The following SEMA6D variants were observed in gnomAD, a reference collection of about 807,000 sequenced individuals.
The protein encoded by SEMA6D is semaphorin-6D.
In SEMA6D, 35 loss-of-function variants were observed where a neutral mutation model predicts 106.6. The observed-to-expected ratio is 0.33, with a 90% confidence interval of 0.25 to 0.44. SEMA6D has a LOEUF of 0.44. Ranked by LOEUF, SEMA6D falls within the 20% of genes least tolerant of loss-of-function variation. The probability of loss-of-function intolerance (pLI) is 1.00; values close to 1 mark genes in which losing one functional copy is unlikely to be tolerated. For missense variants in SEMA6D, 1,185 were observed against 1,345.9 expected (o/e 0.88, Z 1.87); for synonymous variants, 499 against 487.7 (o/e 1.02, Z -0.31).
chr15:47,720,091 G>C (rs1259415402), intron 1 of SEMA6D, among the ~76,000 whole-genome samples: 2 of 152,166 alleles, frequency 1.3e-5, no homozygotes, highest in East Asian at 3.9e-4. Flanking sequence ...CTTCCAGAAA[G>C]ACAGTTAAAT....
chr15:47,487,708 T>C (rs2043338336), intron 3 of SEMA6D, among the ~76,000 whole-genome samples: 3 of 152,240 alleles, frequency 2.0e-5, no homozygotes, highest in African/African-American at 7.2e-5. Context: ...TATTTATAGA[T>C]ATTTAGCTTG....
intron 1 of SEMA6D, among the ~76,000 whole-genome samples, chr15:47,240,038 A>G (rs1256787696): frequency 6.6e-6 from 1 of 152,156 alleles, no homozygotes; most frequent in Non-Finnish European, 1.5e-5. Flanking sequence ...CATGATTATT[A>G]TCTATTTGGA....
chr15:47,320,712 C>T (rs1220396025), intron 1 of SEMA6D, among the ~76,000 whole-genome samples: 2 of 152,186 alleles, frequency 1.3e-5, no homozygotes, highest in Non-Finnish European at 2.9e-5. Flanking sequence ...AAAATAATTT[C>T]ACTTTATCCA....
intron 18 of SEMA6D, 50 bp from the exon 19 acceptor site, chr15:47,770,447 A>G: frequency 3.4e-6 from 5 of 1,452,030 alleles, no homozygotes; most frequent in Non-Finnish European, 4.7e-6. Flanking sequence ...GCTATTTATT[A>G]TTATTTTTAA....
intron 1 of SEMA6D, chr15:47,393,222 A>G (rs2040099611): frequency 6.6e-6 from 1 of 152,210 alleles, no homozygotes; most frequent in Non-Finnish European, 1.5e-5. Context: ...CAAAAAAATA[A>G]ATTGAAATAT....
intron 1 of SEMA6D, among the ~76,000 whole-genome samples, chr15:47,355,626 T>A (rs1004532227): frequency 6.6e-6 from 1 of 152,192 alleles, no homozygotes; most frequent in Non-Finnish European, 1.5e-5. Flanking sequence ...AACCTTCCTA[T>A]CCATGTGCTT....
Position 47,314,918 on chromosome 15 carries a change from T to G in SEMA6D, c.-238-97475T>G, listed in dbSNP as rs2036598573. Among the ~76,000 whole-genome samples, 4 of 127,514 alleles carry G rather than the reference T, an allele frequency of 3.1e-5. No homozygotes were observed. In the South Asian group the frequency reaches 1.1e-3, roughly 36 times the overall value. The allele number at this position is 127,514 out of a possible 152,430, so 83.7% of individuals were successfully genotyped here. A position where few individuals can be genotyped will look rare whatever the true frequency, so the allele number is the denominator to read the frequency against. ...TCTCGCTCTGTGGCCCAGGCGAGAG[T>G]GCAGTGGCGCAATCTCGGCTCACTG... On this transcript the variant is annotated intron_variant, in intron 1 of 19. Coordinates refer to the SEMA6D transcript ENST00000558014.
chr15:47,203,255 A>G (rs1894836607), intron 1 of SEMA6D, among the ~76,000 whole-genome samples: 1 of 151,958 alleles, frequency 6.6e-6, no homozygotes, highest in Non-Finnish European at 1.5e-5. Flanking sequence ...CCCCACCCCC[A>G]ATTGCATGGA....
chr15:47,331,644 G>C (rs956519780), intron 1 of SEMA6D, among the ~76,000 whole-genome samples: 2 of 115,032 alleles, frequency 1.7e-5, no homozygotes, highest in South Asian at 5.3e-4. Flanking sequence ...CAAAATAACA[G>C]TATCTTTGGA....
intron 1 of SEMA6D, among the ~76,000 whole-genome samples, chr15:47,748,378 G>A (rs1438975108): frequency 6.6e-6 from 1 of 152,216 alleles, no homozygotes; most frequent in Non-Finnish European, 1.5e-5. Context: ...GGACCTGCCA[G>A]GTGCCAGGCC....
At chr15:47,218,708 G>C (rs779938419) in intron 1 of SEMA6D, among the ~76,000 whole-genome samples, 1 of 152,138 alleles carries the variant, frequency 6.6e-6, no homozygotes, top group African/African-American at 2.4e-5. Context: ...ATAGGGAACT[G>C]GAAATGTAAA....
intron 3 of SEMA6D, among the ~76,000 whole-genome samples, chr15:47,483,159 ATAAATCTTCACCATTT>A (rs1472433389): frequency 6.6e-6 from 1 of 152,206 alleles, no homozygotes; most frequent in Non-Finnish European, 1.5e-5. Flanking sequence ...TCATTCATTT[ATAAATCTTCACCATTT>A]GACCTACTGT....
chr15:47,281,489 C>T lies in SEMA6D; in HGVS notation c.-239+97071C>T, dbSNP rs530728867. ...GGTCTTGACTCTTTATCCAATTTGC[C>T]AGTCTGTGTCTTTTAATTGGAGCAT... is the stretch of plus-strand genomic sequence containing the variant. On this transcript the variant is annotated intron_variant, in intron 1 of 19. Coordinates refer to the SEMA6D transcript ENST00000558014. Among the ~76,000 whole-genome samples, 7 of 150,386 alleles carry T rather than the reference C, an allele frequency of 4.7e-5. No individual in the cohort carries two copies. In the South Asian group the frequency reaches 1.5e-3, roughly 32 times the overall value.
At chr15:47,308,670 T>C (rs1170434354) in intron 1 of SEMA6D, among the ~76,000 whole-genome samples, 4 of 152,168 alleles carry the variant, frequency 2.6e-5, no homozygotes, top group Non-Finnish European at 4.4e-5. Flanking sequence ...TGTGTTGAGC[T>C]CTTCATGCAT....
At chr15:47,647,719 C>CAAAAAAAAAAAAAAAAAAAAAAA (rs777557315) in intron 4 of SEMA6D, among the ~76,000 whole-genome samples, 3 of 93,778 alleles carry the variant, frequency 3.2e-5, no homozygotes, top group Non-Finnish European at 5.2e-5. Context: ...CAATTGTGGG[C>CAAAAAAAAAAAAAAAAAAAAAAA]AAAAAAAAAA....
intron 1 of SEMA6D, chr15:47,730,819 C>A: frequency 6.5e-7 from 1 of 1,547,592 alleles, no homozygotes; most frequent in Non-Finnish European, 8.8e-7. Context: ...CTGTCCAATG[C>A]CAAAATTCTT....
intron 1 of SEMA6D, among the ~76,000 whole-genome samples, chr15:47,756,457 A>C (rs1350912218): frequency 1.3e-5 from 2 of 152,338 alleles, no homozygotes; most frequent in South Asian, 2.1e-4. Context: ...CATACTGATT[A>C]TCTCATTTAA....
chr15:47,641,981 C>A (rs542171777), intron 4 of SEMA6D, among the ~76,000 whole-genome samples: 1 of 152,266 alleles, frequency 6.6e-6, no homozygotes, highest in South Asian at 2.1e-4. Context: ...CCCCTGCTAG[C>A]CTTGAGGGTT....
intron 1 of SEMA6D, among the ~76,000 whole-genome samples, chr15:47,328,707 A>C (rs143381792): frequency 0.011 from 1,683 of 152,268 alleles, 11 homozygotes; most frequent in Non-Finnish European, 0.014. Flanking sequence ...AGCTCTAGTG[A>C]ACCCCTGAGC....
Sources: gnomAD v4.1 joint callset for allele counts (sites outside exome capture counted in the v4.1 genomes callset) on GRCh38, gnomAD v4.1.1 for gene constraint, MANE v1.5 for transcripts, NCBI Gene and HGNC (gene_info 2026-07-23, HGNC 2026-07-21) for gene names.